ABCB11: variants seen among roughly 807,000 people sequenced by gnomAD.
ABCB11 encodes the protein bile salt export pump.
A neutral mutation model predicts 148.0 loss-of-function variants in ABCB11; 95 were observed. The ratio of observed to expected loss-of-function variants is 0.64; its 90% CI spans 0.54 to 0.76. ABCB11 has a LOEUF of 0.76. ABCB11 is among the 30% of genes least tolerant of loss of function. The pLI is 0.00. For missense variants in ABCB11, 1,523 were observed against 1,617.8 expected, an observed-to-expected ratio of 0.94 and a Z score of 1.01; for synonymous variants, 591 against 555.4, an observed-to-expected ratio of 1.06 and a Z score of -0.90.
At chr2:168,976,271 C>G (rs995521054) in intron 12 of ABCB11, among the ~76,000 whole-genome samples, 1 of 152,080 alleles carries the variant, frequency 6.6e-6, no homozygotes, top group African/African-American at 2.4e-5. Flanking sequence ...TGTCATTTAT[C>G]TAGCACTTGC....
In ABCB11 at chr2:168,930,770, C is replaced by T. The variant is rs377691925; in HGVS notation, c.3306G>A (p.Ser1102=). 6.8e-6 allele frequency: 11 copies of T among 1,613,630 alleles called. No individual in the cohort carries two copies. Among genetic ancestry groups the T allele is most frequent in the East Asian group, 6.7e-5 (3 of 44,870 alleles). Residue 1102 remains serine, a synonymous_variant, in exon 25 of 28, where the codon TCG becomes TCA. Transcript: ENST00000650372. The stretch of plus-strand genomic sequence containing the variant: ...ACGCCAGTGTCTGCCCTGGACTAAT[C>T]GACACTGAGAGACCATTCAGAACTT... ...DSQVLNGLSV[S]ISPGQTLAFV... is the part of the protein sequence containing the mutation.
At chr2:168,917,456 T>G (rs977376761), downstream of ABCB11, among the ~76,000 whole-genome samples, 8 of 152,216 alleles carry the variant, frequency 5.3e-5, no homozygotes, top group African/African-American at 1.9e-4. Flanking sequence ...TTAGCTAATA[T>G]GACCATTTTT....
At chr2:169,010,625 G>A (rs2106041841) in intron 5 of ABCB11, among the ~76,000 whole-genome samples, 1 of 152,242 alleles carries the variant, frequency 6.6e-6, no homozygotes, top group South Asian at 2.1e-4. Context: ...AAAGAAACCT[G>A]CAAACAGTTT....
chr2:168,934,297 G>A (rs1691719243), intron 23 of ABCB11, among the ~76,000 whole-genome samples: 1 of 151,906 alleles, frequency 6.6e-6, no homozygotes, highest in Non-Finnish European at 1.5e-5. Context: ...TGAGAAGGCG[G>A]GACTCATGGC....
Position 168,967,182 on chromosome 2 carries a change from A to G in ABCB11, c.2075+1245T>C, listed in dbSNP as rs116015661. Among the ~76,000 whole-genome samples the G allele has an allele frequency of 9.5e-3, 1,448 of 151,948 alleles. 30 individuals are homozygous for G. The highest frequency in any genetic ancestry group is 0.034 in the African/African-American group (1,396 of 41,512). On this transcript the variant is annotated intron_variant, in intron 17 of 27. Coordinates refer to ENST00000650372, the MANE Select transcript of ABCB11 (RefSeq NM_003742.4). ...ATGACTTGAATGATTTAAATTTAGT[A>G]TCGAATCAGAAAAGCATGACTAAAC...
chr2:169,009,663 G>T (rs1296930194), intron 5 of ABCB11, among the ~76,000 whole-genome samples: 1 of 151,600 alleles, frequency 6.6e-6, no homozygotes, highest in Non-Finnish European at 1.5e-5. Flanking sequence ...CACCAACATG[G>T]TACATGTGTA....
At chr2:169,020,569 G>A (rs1315043096) in intron 1 of ABCB11, among the ~76,000 whole-genome samples, 1 of 152,154 alleles carries the variant, frequency 6.6e-6, no homozygotes, top group Non-Finnish European at 1.5e-5. Context: ...TTGAAGTACT[G>A]ATACATGCTA....
chr2:169,000,785 G>C (rs1694846999), intron 5 of ABCB11, among the ~76,000 whole-genome samples: 2 of 151,840 alleles, frequency 1.3e-5, no homozygotes, highest in Non-Finnish European at 2.9e-5. Flanking sequence ...AAACATTTTA[G>C]GGTAATCTTT....
chr2:168,956,184 C>G (rs1162785687), intron 19 of ABCB11, among the ~76,000 whole-genome samples: 1 of 151,474 alleles, frequency 6.6e-6, no homozygotes, highest in East Asian at 2.0e-4. Context: ...TTTTAAACAA[C>G]CAGATCTCGT....
intron 23 of ABCB11, among the ~76,000 whole-genome samples, chr2:168,934,953 T>G (rs961596431): frequency 2.5e-4 from 38 of 152,344 alleles, no homozygotes; most frequent in African/African-American, 8.7e-4. Context: ...GAAGCTCATC[T>G]GCTAGACAGG....
intron 5 of ABCB11, among the ~76,000 whole-genome samples, chr2:169,008,107 C>T (rs1021545353): frequency 3.9e-5 from 6 of 152,120 alleles, no homozygotes; most frequent in African/African-American, 1.4e-4. Context: ...CAAATCAAAA[C>T]CACAATGAGA....
chr2:168,954,025 A>G (rs931231851), intron 19 of ABCB11, among the ~76,000 whole-genome samples: 1 of 151,626 alleles, frequency 6.6e-6, no homozygotes, highest in Non-Finnish European at 1.5e-5. Context: ...TGCCTTGGGC[A>G]CATGTTGTCA....
At chr2:168,987,207 T>C (rs765631447) in intron 9 of ABCB11, among the ~76,000 whole-genome samples, 16 of 152,184 alleles carry the variant, frequency 1.1e-4, no homozygotes, top group Non-Finnish European at 1.9e-4. Context: ...CAACTGAGAA[T>C]AACACCATCT....
At chr2:169,007,508 G>A (rs1379612168) in intron 5 of ABCB11, among the ~76,000 whole-genome samples, 1 of 152,178 alleles carries the variant, frequency 6.6e-6, no homozygotes, top group Non-Finnish European at 1.5e-5. Context: ...TTTCTGGGAA[G>A]GCCTTAGGAA....
At chr2:168,970,286 G>A (rs1184929973) in intron 14 of ABCB11, 71 bp from the exon 15 acceptor site, 1 of 1,557,422 alleles carries the variant, frequency 6.4e-7, no homozygotes, top group East Asian at 2.4e-5. Flanking sequence ...CCACTATAAT[G>A]TCCTTTCTGT....
At chr2:169,001,455 C>T (rs1461969900) in intron 5 of ABCB11, among the ~76,000 whole-genome samples, 1 of 152,138 alleles carries the variant, frequency 6.6e-6, no homozygotes, top group Non-Finnish European at 1.5e-5. Context: ...GACTCTGTCA[C>T]CCCAACCCAG....
At chr2:168,975,757 CATATATATATCACAGATATATG>C (rs929018175) in intron 12 of ABCB11, among the ~76,000 whole-genome samples, 2 of 144,700 alleles carry the variant, frequency 1.4e-5, no homozygotes, top group Non-Finnish European at 3.0e-5. Context: ...ATATATATAT[CATATATATATCACAGATATATG>C]ATATATATAT....
intron 9 of ABCB11, among the ~76,000 whole-genome samples, 192 bp downstream of exon 9, chr2:168,990,609 G>A (rs1003642419): frequency 1.3e-5 from 2 of 152,004 alleles, no homozygotes; most frequent in African/African-American, 4.8e-5. Context: ...AAAACATACT[G>A]CTAAAGGCTT....
intron 5 of ABCB11, among the ~76,000 whole-genome samples, chr2:169,001,549 A>G (rs943780121): frequency 1.3e-5 from 2 of 152,062 alleles, no homozygotes; most frequent in Non-Finnish European, 2.9e-5. Flanking sequence ...GGGGTGAGTG[A>G]GGGGGTGGCA....
Sources: gnomAD v4.1 joint callset for allele counts (sites outside exome capture counted in the v4.1 genomes callset) on GRCh38, gnomAD v4.1.1 for gene constraint, MANE v1.5 for transcripts, NCBI Gene and HGNC (gene_info 2026-07-23, HGNC 2026-07-21) for gene names.